Variants in CDRT4 observed in about 807,000 individuals in gnomAD.
CDRT4 encodes the protein CMT1A duplicated region transcript 4 protein.
For synonymous variants in CDRT4, 64 were observed against 69.6 expected, an observed-to-expected ratio of 0.92 and a Z score of 0.40; for missense variants, 167 against 193.1, an observed-to-expected ratio of 0.87 and a Z score of 0.80.
chr17:15,440,117 T>A, intron 3 of CDRT4, 91 bp downstream of exon 3: 6 of 1,191,856 alleles, frequency 5.0e-6, no homozygotes, highest in Non-Finnish European at 6.8e-6. Context: ...AAAAAAAGAG[T>A]GGCCGCCCAG....
At chr17:15,455,148 C>T (rs1383652575) in intron 1 of CDRT4, among the ~76,000 whole-genome samples, 1 of 152,014 alleles carries the variant, frequency 6.6e-6, no homozygotes, top group Non-Finnish European at 1.5e-5. Context: ...AGTGTGGATG[C>T]TGTCTTGGGC....
intron 1 of CDRT4, among the ~76,000 whole-genome samples, chr17:15,460,631 C>T (rs1979703303): frequency 6.6e-6 from 1 of 151,828 alleles, no homozygotes; most frequent in African/African-American, 2.4e-5. Flanking sequence ...CCCATATCCG[C>T]CTGGTTGCCC....
intron 1 of CDRT4, among the ~76,000 whole-genome samples, chr17:15,456,110 T>C (rs1979469798): frequency 6.6e-6 from 1 of 152,122 alleles, no homozygotes; most frequent in Admixed American, 6.6e-5. Flanking sequence ...AATTCCTTCT[T>C]CCCCATTCCA....
chr17:15,453,646 T>C (rs1239659896), intron 1 of CDRT4, among the ~76,000 whole-genome samples: 2 of 152,186 alleles, frequency 1.3e-5, no homozygotes, highest in South Asian at 2.1e-4. Context: ...TTATTGTGTA[T>C]GGATTTCAGT....
intron 1 of CDRT4, among the ~76,000 whole-genome samples, chr17:15,463,014 G>C (rs780745031): frequency 6.6e-6 from 1 of 152,056 alleles, no homozygotes; most frequent in African/African-American, 2.4e-5. Context: ...GCAGGAGATG[G>C]GGGTGGGAGG....
intron 2 of CDRT4, among the ~76,000 whole-genome samples, chr17:15,451,062 C>T (rs2150791987): frequency 6.6e-6 from 1 of 152,326 alleles, no homozygotes; most frequent in Admixed American, 6.5e-5. Flanking sequence ...CAAATCTCAA[C>T]TTGAATCGTA....
intron 2 of CDRT4, 66 bp from the exon 3 acceptor site, chr17:15,440,351 G>A: frequency 6.4e-7 from 1 of 1,560,232 alleles, no homozygotes; most frequent in Non-Finnish European, 8.7e-7. Flanking sequence ...AGCCACCCTG[G>A]GTGGGGGTGG....
At chr17:15,454,788 C>A (rs977299483) in intron 1 of CDRT4, among the ~76,000 whole-genome samples, 2 of 152,174 alleles carry the variant, frequency 1.3e-5, no homozygotes, top group Non-Finnish European at 2.9e-5. Flanking sequence ...ACCTTCACCT[C>A]GGTATGTCCC....
intron 2 of CDRT4, among the ~76,000 whole-genome samples, chr17:15,446,864 T>G (rs1363482472): frequency 6.6e-6 from 1 of 152,222 alleles, no homozygotes; most frequent in Non-Finnish European, 1.5e-5. Context: ...ATGTGTACGT[T>G]GAGGGCATTT....
In CDRT4 at chr17:15,464,885, C is replaced by A. The variant is rs74840269; in HGVS notation, c.-130+2575G>T. 7.0e-3 allele frequency among the ~76,000 whole-genome samples: 1,067 copies of A among 152,250 alleles called. 5 individuals carry two copies. The highest frequency in any genetic ancestry group is 0.012 in the Non-Finnish European group (840 of 68,022). ...AAAGGAACCAGCAGGGATACGGGAA[C>A]AGAGGCACAGACATCAAGCAGGGTT... On this transcript the variant is annotated intron_variant, in intron 1 of 3. Coordinates refer to ENST00000619038, the MANE Select transcript of CDRT4 (RefSeq NM_001204477.2). This position sits in a 1 kb window ranked among gnomAD's most constrained non-coding sequence, Gnocchi z 4.5.
At chr17:15,451,889 C>T (rs1979279371) in intron 2 of CDRT4, among the ~76,000 whole-genome samples, 1 of 152,230 alleles carries the variant, frequency 6.6e-6, no homozygotes. Context: ...GACTATAAGC[C>T]ACATGACAGC....
At position 15,464,229 on chromosome 17, in the gene CDRT4, A is replaced by C. The variant is rs577341651; in HGVS notation, c.-130+3231T>G. ...GCCAGGGATGGGGATGGAGATGCCA[A>C]TGGGTAGATGTGGAGACCCCTACGC... On this transcript the variant is annotated intron_variant, in intron 1 of 3. Coordinates refer to ENST00000619038, the MANE Select transcript of CDRT4 (RefSeq NM_001204477.2). The surrounding 1 kb of genome is among the most constrained non-coding windows in gnomAD (Gnocchi z 4.5). 2.0e-5 allele frequency among the ~76,000 whole-genome samples: 3 copies of C among 152,070 alleles called. No homozygotes were observed. The highest frequency in any genetic ancestry group is 7.2e-5 in the African/African-American group (3 of 41,406).
At chr17:15,457,190 C>T in intron 1 of CDRT4, among the ~76,000 whole-genome samples, 1 of 152,208 alleles carries the variant, frequency 6.6e-6, no homozygotes, top group Admixed American at 6.5e-5. Context: ...CTTGGCACAG[C>T]AGTCCCCAGG....
intron 1 of CDRT4, among the ~76,000 whole-genome samples, chr17:15,463,776 T>A (rs1355434707): frequency 6.6e-6 from 1 of 152,026 alleles, no homozygotes; most frequent in African/African-American, 2.4e-5. Flanking sequence ...CTGAGCATCC[T>A]CCCGCCTGCC....
chr17:15,465,380 A>C (rs1243490633), intron 1 of CDRT4, among the ~76,000 whole-genome samples: 1 of 150,114 alleles, frequency 6.7e-6, no homozygotes, highest in East Asian at 2.0e-4. Flanking sequence ...ACAGACACAC[A>C]TAACACACAC....
intron 2 of CDRT4, among the ~76,000 whole-genome samples, chr17:15,444,488 G>T (rs996225137): frequency 6.6e-6 from 1 of 152,046 alleles, no homozygotes; most frequent in African/African-American, 2.4e-5. Context: ...GCAAAATTTG[G>T]GAACTGCTGT....
intron 2 of CDRT4, among the ~76,000 whole-genome samples, chr17:15,442,413 GA>G (rs780450074): frequency 0.047 from 5,197 of 109,808 alleles, 257 homozygotes; most frequent in African/African-American, 0.16. Context: ...CCGTCTCCAA[GA>G]AAAAAAAAAA....
intron 2 of CDRT4, among the ~76,000 whole-genome samples, chr17:15,451,158 T>C (rs556975254): frequency 1.3e-5 from 2 of 152,308 alleles, no homozygotes; most frequent in South Asian, 4.1e-4. Context: ...GCTGTTCTTA[T>C]GATAGTGAAT....
At chr17:15,455,062 A>G (rs190278166) in intron 1 of CDRT4, among the ~76,000 whole-genome samples, 4 of 152,296 alleles carry the variant, frequency 2.6e-5, no homozygotes, top group Admixed American at 2.6e-4. Flanking sequence ...CAACGTGAGG[A>G]CTAGATGAAC....
Sources: allele counts gnomAD v4.1 joint callset (sites outside exome capture counted in the v4.1 genomes callset), GRCh38; gene constraint gnomAD v4.1.1; non-coding constraint Gnocchi (gnomAD v3.1); transcripts MANE v1.5; gene names NCBI Gene and HGNC (gene_info 2026-07-23, HGNC 2026-07-21).